The following LUZP2 variants were observed in gnomAD, a reference collection of about 807,000 sequenced individuals.
LUZP2 encodes the protein leucine zipper protein 2.
Under a neutral mutation model 51.6 loss-of-function variants are expected in LUZP2, and 52 were observed. That is an observed-to-expected ratio of 1.01 (90% CI 0.81 to 1.27). LUZP2 has a LOEUF of 1.27. Among genes scored for constraint, LUZP2 ranks in the 50% most tolerant of loss-of-function variants. The pLI is 0.00. For synonymous variants in LUZP2, 154 were observed against 137.3 expected, an observed-to-expected ratio of 1.12 and a Z score of -0.85; for missense variants, 436 against 395.4, an observed-to-expected ratio of 1.10 and a Z score of -0.87.
intron 5 of LUZP2, among the ~76,000 whole-genome samples, chr11:24,803,830 G>T (rs750758980): frequency 2.0e-5 from 3 of 151,898 alleles, no homozygotes; most frequent in Non-Finnish European, 4.4e-5. Context: ...ATCAATAAGT[G>T]GCACAATAAT....
At chr11:24,747,027 C>T (rs1303722293) in intron 4 of LUZP2, among the ~76,000 whole-genome samples, 2 of 152,154 alleles carry the variant, frequency 1.3e-5, no homozygotes, top group East Asian at 3.9e-4. Flanking sequence ...AGGTTAATAA[C>T]TAACCGCCTG....
intron 5 of LUZP2, among the ~76,000 whole-genome samples, chr11:24,877,318 G>A (rs980088892): frequency 6.6e-6 from 1 of 152,110 alleles, no homozygotes. Context: ...ATTCGTGAGA[G>A]TAAGTCATTA....
intron 1 of LUZP2, among the ~76,000 whole-genome samples, chr11:24,549,280 G>A (rs1851652965): frequency 6.6e-6 from 1 of 152,046 alleles, no homozygotes; most frequent in East Asian, 1.9e-4. Context: ...ACTGGGTGAG[G>A]ATTATCAATA....
intron 4 of LUZP2, among the ~76,000 whole-genome samples, chr11:24,756,596 C>T (rs1859783751): frequency 1.3e-5 from 2 of 152,144 alleles, no homozygotes; most frequent in South Asian, 4.1e-4. Flanking sequence ...GCAGTGCTAG[C>T]AAATCTCATT....
At chr11:24,847,367 C>T (rs1040150222) in intron 5 of LUZP2, among the ~76,000 whole-genome samples, 7 of 152,114 alleles carry the variant, frequency 4.6e-5, no homozygotes, top group Non-Finnish European at 8.8e-5. Context: ...TCAGTTTTTT[C>T]AATCTTTTAT....
At chr11:24,743,887 G>A (rs547336185) in intron 4 of LUZP2, among the ~76,000 whole-genome samples, 4 of 152,136 alleles carry the variant, frequency 2.6e-5, no homozygotes, top group African/African-American at 9.6e-5. Context: ...TTTGCTGAAG[G>A]TTTTAATCAT....
chr11:24,602,976 T>C (rs1291903772), intron 1 of LUZP2, among the ~76,000 whole-genome samples: 1 of 151,834 alleles, frequency 6.6e-6, no homozygotes, highest in Non-Finnish European at 1.5e-5. Flanking sequence ...ATCTTTAACA[T>C]TGGCAGAATA....
At chr11:24,976,710 A>C (rs775814319) in intron 8 of LUZP2, 45 bp downstream of exon 8, 62 of 92,606 alleles carry the variant, frequency 6.7e-4, no homozygotes, top group Admixed American at 1.4e-3. Context: ...TTTTAGCAAA[A>C]AAAAAAAAAA....
chr11:25,068,990 A>T (rs113082959), intron 10 of LUZP2, among the ~76,000 whole-genome samples: 11 of 151,964 alleles, frequency 7.2e-5, no homozygotes, highest in African/African-American at 2.7e-4. Flanking sequence ...GCCATGAGTG[A>T]TATTTTTCTT....
intron 5 of LUZP2, among the ~76,000 whole-genome samples, chr11:24,884,263 C>T (rs1050335584): frequency 6.6e-6 from 1 of 151,932 alleles, no homozygotes; most frequent in Non-Finnish European, 1.5e-5. Context: ...AGTGTATGTA[C>T]ATTTTGACCA....
intron 1 of LUZP2, among the ~76,000 whole-genome samples, chr11:24,678,121 T>C (rs1434591581): frequency 3.3e-5 from 5 of 151,426 alleles, no homozygotes; most frequent in Non-Finnish European, 7.4e-5. Flanking sequence ...TTATTTTTTG[T>C]TGTTTTTGAC....
intron 5 of LUZP2, among the ~76,000 whole-genome samples, chr11:24,818,718 T>C (rs1338960520): frequency 3.3e-5 from 5 of 152,244 alleles, no homozygotes; most frequent in African/African-American, 1.2e-4. Flanking sequence ...TTCTTCTGCT[T>C]ATCTATACAG....
intron 9 of LUZP2, among the ~76,000 whole-genome samples, chr11:24,986,355 T>C (rs1381309167): frequency 2.6e-5 from 4 of 151,712 alleles, no homozygotes; most frequent in East Asian, 1.9e-4. Context: ...CAGGATATTG[T>C]ATATTTTGAA....
chr11:24,834,116 T>A (rs903850688), intron 5 of LUZP2, among the ~76,000 whole-genome samples: 5 of 152,154 alleles, frequency 3.3e-5, no homozygotes, highest in African/African-American at 4.8e-5. Context: ...CCAGTATACA[T>A]GTGCAGAATG....
intron 3 of LUZP2, among the ~76,000 whole-genome samples, chr11:24,737,972 A>G (rs532735520): frequency 2.0e-5 from 3 of 151,962 alleles, no homozygotes; most frequent in East Asian, 3.9e-4. Context: ...CAAACGTGGG[A>G]TTTTTATAAA....
At chr11:25,037,140 G>A (rs1857891400) in intron 9 of LUZP2, among the ~76,000 whole-genome samples, 1 of 152,112 alleles carries the variant, frequency 6.6e-6, no homozygotes. Flanking sequence ...GTGCTTCAGT[G>A]TTGGGTGTGC....
chr11:24,812,267 A>G (rs1399354528), intron 5 of LUZP2, among the ~76,000 whole-genome samples: 1 of 152,184 alleles, frequency 6.6e-6, no homozygotes, highest in African/African-American at 2.4e-5. Context: ...GATGTTCAAT[A>G]TCACCTTGAG....
At chr11:25,070,928 T>C (rs573668754) in intron 10 of LUZP2, among the ~76,000 whole-genome samples, 5 of 151,972 alleles carry the variant, frequency 3.3e-5, no homozygotes, top group African/African-American at 1.2e-4. Context: ...TTCCCTTCTT[T>C]GAATCACCTT....
At chr11:25,033,708 G>A (rs1157302798) in intron 9 of LUZP2, among the ~76,000 whole-genome samples, 1 of 152,070 alleles carries the variant, frequency 6.6e-6, no homozygotes, top group Non-Finnish European at 1.5e-5. Context: ...AATTCACTTA[G>A]AATTATGGCC....
Sources: gnomAD v4.1 joint callset for allele counts (sites outside exome capture counted in the v4.1 genomes callset) on GRCh38, gnomAD v4.1.1 for gene constraint, MANE v1.5 for transcripts, NCBI Gene and HGNC (gene_info 2026-07-23, HGNC 2026-07-21) for gene names.